The following PCDH7 variants were observed in gnomAD, a reference collection of about 807,000 sequenced individuals.
The protein encoded by PCDH7 is protocadherin-7.
PCDH7 carries 17 observed loss-of-function variants against 58.9 expected under a neutral mutation model. That is an observed-to-expected ratio of 0.29 (90% CI 0.20 to 0.43). PCDH7 has a LOEUF of 0.43. Ranked by LOEUF, PCDH7 falls within the 20% of genes least tolerant of loss-of-function variation. The pLI, the probability that PCDH7 is intolerant of heterozygous loss-of-function variation, is 1.00. For synonymous variants in PCDH7, 664 were observed against 616.4 expected (o/e 1.08, Z -1.14); for missense variants, 1,274 against 1,441.0 (o/e 0.88, Z 1.88).
intron 1 of PCDH7, among the ~76,000 whole-genome samples, chr4:30,873,953 A>G (rs1243892148): frequency 6.6e-6 from 1 of 152,146 alleles, no homozygotes; most frequent in Admixed American, 6.6e-5. Context: ...TTTACAATGT[A>G]ATGGCTCAGA....
chr4:31,126,498 TA>T (rs1024269544), intron 3 of PCDH7, among the ~76,000 whole-genome samples: 6 of 152,280 alleles, frequency 3.9e-5, no homozygotes, highest in Non-Finnish European at 8.8e-5. Context: ...TTTTGGAGGT[TA>T]TAGTACTACA....
intron 1 of PCDH7, chr4:30,786,730 G>A (rs866949797): frequency 1.0e-5 from 10 of 981,734 alleles, no homozygotes; most frequent in Middle Eastern, 5.2e-4. Context: ...TTTATAGGTG[G>A]ATACAGTGCA....
In PCDH7 at chr4:31,087,140, G is replaced by A. The variant is rs536214919; in HGVS notation, c.*8-55333G>A. On this transcript the variant is annotated intron_variant, in intron 3 of 3. Transcript: ENST00000509759. ...TGATTAATTACATGGCATGGTTCAC[G>A]ATGGTGGTAGTAAATAAACATACAG... Among the ~76,000 whole-genome samples the A allele has an allele frequency of 6.6e-5, 10 of 152,184 alleles. 1 individual carries two copies. In the East Asian group the frequency reaches 1.7e-3, roughly 27 times the overall value.
chr4:31,131,540 A>G (rs1718989097), intron 3 of PCDH7, among the ~76,000 whole-genome samples: 1 of 152,182 alleles, frequency 6.6e-6, no homozygotes, highest in African/African-American at 2.4e-5. Flanking sequence ...ATGGTTTTTC[A>G]GCTCCTAACA....
downstream of PCDH7, chr4:31,143,470 A>G (rs1429699693): frequency 2.6e-5 from 4 of 152,234 alleles, no homozygotes; most frequent in Non-Finnish European, 5.9e-5. Context: ...AGAGAAAAAC[A>G]ATACTCAGTG....
chr4:31,088,023 G>A (rs1009977570), intron 3 of PCDH7, among the ~76,000 whole-genome samples: 13 of 151,902 alleles, frequency 8.6e-5, no homozygotes, highest in African/African-American at 2.9e-4. Context: ...AACTAAGGCA[G>A]GTATTTTAGG....
At chr4:31,133,883 T>C (rs1454330968) in intron 3 of PCDH7, among the ~76,000 whole-genome samples, 1 of 152,196 alleles carries the variant, frequency 6.6e-6, no homozygotes, top group Admixed American at 6.5e-5. Flanking sequence ...TACATTCAAT[T>C]GCTGTTTGAG....
At chr4:30,847,020 G>A (rs1034562509) in intron 1 of PCDH7, among the ~76,000 whole-genome samples, 2 of 152,026 alleles carry the variant, frequency 1.3e-5, no homozygotes, top group Non-Finnish European at 2.9e-5. Flanking sequence ...CTACCTGGGA[G>A]GCTGAGGTGG....
intron 1 of PCDH7, among the ~76,000 whole-genome samples, chr4:30,919,857 GA>G (rs1334390597): frequency 3.3e-5 from 5 of 152,084 alleles, no homozygotes; most frequent in Non-Finnish European, 7.4e-5. Flanking sequence ...CTATAGAATA[GA>G]AAAAGGTTGA....
chr4:30,743,944 G>T (rs2121657), intron 1 of PCDH7, among the ~76,000 whole-genome samples: 129,359 of 152,116 alleles, frequency 0.85, 55,248 homozygotes, highest in African/African-American at 0.88. Context: ...GAATAATGAC[G>T]TGGGCAAAGT....
intron 3 of PCDH7, among the ~76,000 whole-genome samples, chr4:31,044,191 T>C (rs911000271): frequency 2.7e-5 from 4 of 150,576 alleles, no homozygotes; most frequent in Admixed American, 6.6e-5. Flanking sequence ...TGCCACATTT[T>C]AGGGGGCTGG....
At chr4:31,074,715 G>C (rs1758828342) in intron 3 of PCDH7, among the ~76,000 whole-genome samples, 1 of 146,550 alleles carries the variant, frequency 6.8e-6, no homozygotes, top group African/African-American at 2.6e-5. Context: ...ACCTGGGGAG[G>C]TGGAGGTTGC....
intron 3 of PCDH7, among the ~76,000 whole-genome samples, chr4:31,082,895 TCAGGAGATCGAGA>T (rs1711728181): frequency 6.6e-6 from 1 of 152,028 alleles, no homozygotes; most frequent in Admixed American, 6.5e-5. Flanking sequence ...GATCACGAGG[TCAGGAGATCGAGA>T]CCATCCTGGC....
chr4:30,721,520 T>A lies in PCDH7; in HGVS notation c.98T>A (p.Leu33His). The A allele has an allele frequency of 6.2e-7, 1 of 1,601,170 alleles. No homozygotes were observed. Among genetic ancestry groups the A allele is most frequent in the Non-Finnish European group, 8.5e-7 (1 of 1,179,284 alleles). The change falls in exon 1 of 2, where the codon CTC (leucine) becomes CAC (histidine). Residue 33 changes from leucine to histidine, a missense_variant. Leu to His is a moderately conservative substitution (Grantham distance 99). Coordinates refer to ENST00000361762, the Ensembl canonical transcript of PCDH7. This position sits in a 1 kb window ranked among gnomAD's most constrained non-coding sequence, Gnocchi z 6.7. ...CTCAGCCTGGCGGCCGCCAAGCAGC[T>A]CCTCCGGTACCGGCTGGCCGAGGAG... is the stretch of plus-strand genomic sequence containing the variant.
intron 2 of PCDH7, among the ~76,000 whole-genome samples, chr4:30,927,035 G>T (rs1335047294): frequency 3.9e-5 from 6 of 151,942 alleles, no homozygotes; most frequent in African/African-American, 1.5e-4. Context: ...AGATCACTTT[G>T]CTGAACCCTT....
At chr4:30,992,069 G>A (rs1409918522) in intron 3 of PCDH7, among the ~76,000 whole-genome samples, 3 of 152,114 alleles carry the variant, frequency 2.0e-5, no homozygotes, top group Admixed American at 6.6e-5. Flanking sequence ...AGCCTTCTGA[G>A]GCCTCAGTTT....
intron 1 of PCDH7, among the ~76,000 whole-genome samples, chr4:30,824,135 CTTTCTTTCTTTCTTT>C (rs1728788476): frequency 1.4e-5 from 2 of 143,578 alleles, no homozygotes; most frequent in African/African-American, 5.2e-5. Flanking sequence ...TTCTTTCTTT[CTTTCTTTCTTTCTTT>C]CTTTCTTTCT....
downstream of PCDH7, among the ~76,000 whole-genome samples, chr4:30,735,509 T>C (rs753261576): frequency 2.0e-5 from 3 of 152,190 alleles, no homozygotes; most frequent in East Asian, 1.9e-4. Context: ...AAAGTGTAAC[T>C]GACCGTAAGT....
At chr4:30,827,791 G>A (rs1405108784) in intron 1 of PCDH7, among the ~76,000 whole-genome samples, 1 of 152,086 alleles carries the variant, frequency 6.6e-6, no homozygotes, top group Admixed American at 6.6e-5. Flanking sequence ...AATCTAGTAT[G>A]TGCATAGATG....
Sources: allele counts gnomAD v4.1 joint callset (sites outside exome capture counted in the v4.1 genomes callset), GRCh38; gene constraint gnomAD v4.1.1; non-coding constraint Gnocchi (gnomAD v3.1); transcripts MANE v1.5; gene names NCBI Gene and HGNC (gene_info 2026-07-23, HGNC 2026-07-21).